OCA2: variants seen among roughly 807,000 people sequenced by gnomAD.
The protein encoded by OCA2 is P protein.
In OCA2, 77 loss-of-function variants were observed where a neutral mutation model predicts 100.2. The ratio of observed to expected loss-of-function variants is 0.77; its 90% CI spans 0.64 to 0.93. OCA2 has a LOEUF of 0.93. Among genes scored for constraint, OCA2 ranks in the 40% least tolerant of loss-of-function variants. OCA2 has a pLI of 0.00. For missense variants in OCA2, 1,062 were observed against 1,089.1 expected (o/e 0.98, Z 0.35); for synonymous variants, 432 against 439.2 (o/e 0.98, Z 0.21).
At chr15:27,761,254 C>T (rs1243160417) in intron 23 of OCA2, among the ~76,000 whole-genome samples, 1 of 151,860 alleles carries the variant, frequency 6.6e-6, no homozygotes, top group Non-Finnish European at 1.5e-5. Context: ...AGGACTGCAA[C>T]ACAAGATCAA....
In OCA2 at chr15:27,985,204, C is replaced by G. The variant is rs1026271007; in HGVS notation, c.1240-16G>C. 51 of 1,613,088 alleles carry G rather than the reference C, an allele frequency of 3.2e-5. No individual in the cohort carries two copies. The highest frequency in any genetic ancestry group is 4.2e-5 in the Non-Finnish European group (50 of 1,179,764). On this transcript the variant is annotated splice_polypyrimidine_tract_variant and intron_variant, in intron 12 of 23. Transcript: ENST00000354638. ...GCCGGTATGCCTGGCCACACACACA[C>G]AGAGAGAGTACAAGCCAGAGTGAGC...
At chr15:28,045,916 A>C (rs963835060) in intron 2 of OCA2, among the ~76,000 whole-genome samples, 8 of 152,012 alleles carry the variant, frequency 5.3e-5, no homozygotes, top group African/African-American at 1.9e-4. Flanking sequence ...TCATACCAAA[A>C]CCCTCAGTCT....
At chr15:27,887,708 G>C (rs1430817556) in intron 19 of OCA2, among the ~76,000 whole-genome samples, 1 of 150,394 alleles carries the variant, frequency 6.6e-6, no homozygotes. Context: ...CGGGAAAATG[G>C]GAACAGCACA....
the OCA2 span, among the ~76,000 whole-genome samples, chr15:27,735,220 C>CA: frequency 1.3e-5 from 2 of 151,660 alleles, no homozygotes; most frequent in East Asian, 1.9e-4. Flanking sequence ...ATGAATGACA[C>CA]AAAAAATGCA....
intron 17 of OCA2, among the ~76,000 whole-genome samples, chr15:27,952,974 C>T (rs116827745): frequency 0.01 from 1,575 of 152,260 alleles, 27 homozygotes; most frequent in African/African-American, 0.035. Context: ...TGAGCCACCA[C>T]GCCTGGCAAG....
intron 21 of OCA2, among the ~76,000 whole-genome samples, chr15:27,863,375 G>A (rs1018403772): frequency 6.6e-5 from 10 of 152,196 alleles, no homozygotes; most frequent in Non-Finnish European, 1.5e-4. Context: ...TTGCCATGAG[G>A]CAGGGGAGAG....
intron 21 of OCA2, among the ~76,000 whole-genome samples, chr15:27,860,965 C>A (rs1193195644): frequency 6.6e-6 from 1 of 152,182 alleles, no homozygotes; most frequent in African/African-American, 2.4e-5. Flanking sequence ...TTGGGCTATA[C>A]CAAAGCAGGG....
intron 2 of OCA2, among the ~76,000 whole-genome samples, chr15:28,060,591 A>G (rs2043843610): frequency 6.6e-6 from 1 of 152,368 alleles, no homozygotes; most frequent in South Asian, 2.1e-4. Flanking sequence ...AGAAGCAGCA[A>G]AAACAGACAA....
chr15:27,922,716 T>TGC (rs1311726066), intron 19 of OCA2, among the ~76,000 whole-genome samples: 10 of 151,536 alleles, frequency 6.6e-5, no homozygotes, highest in Admixed American at 1.3e-4. Context: ...TGTGTGTGTG[T>TGC]GTGTGTTTCT....
chr15:27,926,039 T>C (rs954665954), intron 19 of OCA2, 88 bp downstream of exon 19: 8 of 1,441,224 alleles, frequency 5.6e-6, no homozygotes, highest in Non-Finnish European at 7.8e-6. Context: ...GAAAGATTAA[T>C]AGATGTAGGC....
chr15:27,761,654 T>C (rs1210364141), intron 23 of OCA2, among the ~76,000 whole-genome samples: 1 of 152,172 alleles, frequency 6.6e-6, no homozygotes, highest in African/African-American at 2.4e-5. Flanking sequence ...GGCTCTAGAA[T>C]AGCAAAGACA....
At chr15:28,020,473 G>A (rs1380328179) in intron 6 of OCA2, among the ~76,000 whole-genome samples, 1 of 151,930 alleles carries the variant, frequency 6.6e-6, no homozygotes, top group Non-Finnish European at 1.5e-5. Flanking sequence ...GGGTCAGCCT[G>A]GCAGCCGGTT....
intron 19 of OCA2, among the ~76,000 whole-genome samples, chr15:27,898,056 AC>A (rs1299047945): frequency 6.6e-6 from 1 of 151,982 alleles, no homozygotes; most frequent in African/African-American, 2.4e-5. Context: ...AAATGCTTGT[AC>A]CCCCATTATA....
At chr15:27,732,529 T>A in the OCA2 span, among the ~76,000 whole-genome samples, 1 of 152,024 alleles carries the variant, frequency 6.6e-6, no homozygotes, top group African/African-American at 2.4e-5. Context: ...GAAGAGAGAC[T>A]AGAGTCCCCT....
In OCA2 at chr15:27,894,804, A is replaced by ATGACT. The variant is rs2037618119; in HGVS notation, c.2080-22887_2080-22883dup. 2.6e-5 allele frequency among the ~76,000 whole-genome samples: 4 copies of ATGACT among 152,248 alleles called. No individual in the cohort carries two copies. In the South Asian group the frequency reaches 8.3e-4, roughly 32 times the overall value. On this transcript the variant is annotated intron_variant, in intron 19 of 23. Transcript: ENST00000354638. ...ACGTACACCTCTGTCTGGAACCTGAATGACTTGACTTTTCTGCCTGGTCCC... is the reference window on the plus strand; with the variant it reads ...ACGTACACCTCTGTCTGGAACCTGAATGACTTGACTTGACTTTTCTGCCTGGTCCC...
At chr15:27,965,149 C>T (rs2040524890) in intron 15 of OCA2, among the ~76,000 whole-genome samples, 1 of 152,132 alleles carries the variant, frequency 6.6e-6, no homozygotes, top group East Asian at 1.9e-4. Flanking sequence ...GGCAGGATGA[C>T]GGTTGAGCTC....
intron 23 of OCA2, among the ~76,000 whole-genome samples, chr15:27,806,355 T>C (rs1387954824): frequency 6.6e-6 from 1 of 152,248 alleles, no homozygotes; most frequent in Non-Finnish European, 1.5e-5. Context: ...GGTTCACAGA[T>C]GTGTAAAGTG....
chr15:28,006,347 G>C (rs574439409), intron 9 of OCA2, among the ~76,000 whole-genome samples: 2 of 152,198 alleles, frequency 1.3e-5, no homozygotes. Flanking sequence ...AAGGGCATGC[G>C]AAAGAGAGCC....
intron 21 of OCA2, 57 bp downstream of exon 21, chr15:27,871,097 G>C: frequency 7.8e-7 from 1 of 1,281,964 alleles, no homozygotes; most frequent in Non-Finnish European, 1.1e-6. Flanking sequence ...GGGAGGGTGA[G>C]CCCCAGGCTA....
Sources: gnomAD v4.1 joint callset for allele counts (sites outside exome capture counted in the v4.1 genomes callset) on GRCh38, gnomAD v4.1.1 for gene constraint, MANE v1.5 for transcripts, NCBI Gene and HGNC (gene_info 2026-07-23, HGNC 2026-07-21) for gene names.